The following LCOR variants were observed in gnomAD, a reference collection of about 807,000 sequenced individuals.
The protein encoded by LCOR is ligand dependent nuclear receptor corepressor.
LCOR carries 14 observed loss-of-function variants against 64.4 expected under a neutral mutation model. The ratio of observed to expected loss-of-function variants is 0.22; its 90% CI spans 0.14 to 0.34. LCOR has a LOEUF of 0.34. Among genes scored for constraint, LCOR ranks in the 10% least tolerant of loss-of-function variants. The pLI is 1.00. For synonymous variants in LCOR, 643 were observed against 642.5 expected, an observed-to-expected ratio of 1.00 and a Z score of -0.01; for missense variants, 1,686 against 1,765.3, an observed-to-expected ratio of 0.96 and a Z score of 0.80.
chr10:96,938,128 T>G (rs368384020), intron 4 of LCOR, among the ~76,000 whole-genome samples: 19 of 152,064 alleles, frequency 1.2e-4, no homozygotes, highest in Admixed American at 6.6e-4. Flanking sequence ...TAATAATTTT[T>G]TAACTGATTT....
intron 7 of LCOR, among the ~76,000 whole-genome samples, chr10:96,969,024 T>A (rs1847974460): frequency 6.6e-6 from 1 of 152,234 alleles, no homozygotes; most frequent in South Asian, 2.1e-4. Flanking sequence ...TCAGTTTTCT[T>A]ATCTGTAAAA....
chr10:96,832,731 G>C (rs888476823), intron 1 of LCOR, among the ~76,000 whole-genome samples: 93 of 150,158 alleles, frequency 6.2e-4, no homozygotes, highest in Admixed American at 1.3e-3. Flanking sequence ...TCCCGCTCCA[G>C]GCCCGGCGCC....
At chr10:96,893,731 C>T (rs1846487776) in intron 2 of LCOR, among the ~76,000 whole-genome samples, 1 of 150,996 alleles carries the variant, frequency 6.6e-6, no homozygotes, top group South Asian at 2.1e-4. Flanking sequence ...CCACTACACT[C>T]CAGCCTGGGT....
intron 7 of LCOR, among the ~76,000 whole-genome samples, chr10:96,969,375 A>C (rs1055567053): frequency 6.6e-6 from 1 of 152,240 alleles, no homozygotes; most frequent in South Asian, 2.1e-4. Flanking sequence ...GAATGTAATC[A>C]AACCATTAAT....
chr10:96,880,493 GT>G (rs1846244966), intron 2 of LCOR, among the ~76,000 whole-genome samples: 1 of 152,148 alleles, frequency 6.6e-6, no homozygotes, highest in African/African-American at 2.4e-5. Flanking sequence ...CACCTTCCGG[GT>G]TCAAGCGATT....
intron 2 of LCOR, among the ~76,000 whole-genome samples, chr10:96,897,361 C>T (rs1054250429): frequency 1.3e-5 from 2 of 152,156 alleles, no homozygotes; most frequent in African/African-American, 4.8e-5. Context: ...GGTCTTCAAA[C>T]GGATTGTGGC....
intron 2 of LCOR, among the ~76,000 whole-genome samples, chr10:96,834,142 A>G (rs181693201): frequency 1.3e-5 from 2 of 152,346 alleles, no homozygotes; most frequent in East Asian, 1.9e-4. Flanking sequence ...ACAGGGTTTC[A>G]TTACGAAAAT....
At chr10:96,916,309 G>A (rs1291588917) in intron 4 of LCOR, among the ~76,000 whole-genome samples, 5 of 152,072 alleles carry the variant, frequency 3.3e-5, no homozygotes, top group African/African-American at 1.2e-4. Flanking sequence ...GGGATTACAG[G>A]CGTGAGCCAC....
intron 2 of LCOR, among the ~76,000 whole-genome samples, chr10:96,897,052 T>TGAGAGA (rs142740088): frequency 8.0e-5 from 10 of 124,242 alleles, no homozygotes; most frequent in Admixed American, 2.0e-4. Flanking sequence ...TCCCAAGGAA[T>TGAGAGA]GAGAGAGAGA....
At chr10:96,932,968 A>G (rs115300956) in intron 4 of LCOR, among the ~76,000 whole-genome samples, 8,278 of 152,316 alleles carry the variant, frequency 0.054, 761 homozygotes, top group African/African-American at 0.19. Flanking sequence ...AGAATGTGGA[A>G]CAAATTCATT....
At position 96,954,906 on chromosome 10, in the gene LCOR, CT is replaced by C. The variant is rs774666549; in HGVS notation, c.332+2711del. On this transcript the variant is annotated intron_variant, in intron 7 of 7. Coordinates refer to ENST00000421806, the MANE Select transcript of LCOR (RefSeq NM_001346516.2). ...GAGTGGTCCCCTCACCCATCCCTCC[CT>C]ACCTGTGCAAGTCCTGCTCACATCA... is the stretch of plus-strand genomic sequence containing the variant. 3 of 1,544,548 alleles carry C rather than the reference CT, an allele frequency of 1.9e-6. No individual in the cohort carries two copies. The Admixed American group carries it at 5.2e-5, about 27-fold the overall frequency.
At chr10:96,936,647 C>G (rs1393161668) in intron 4 of LCOR, among the ~76,000 whole-genome samples, 1 of 152,082 alleles carries the variant, frequency 6.6e-6, no homozygotes, top group Admixed American at 6.5e-5. Flanking sequence ...TACAAACTTA[C>G]CAATACTGAT....
In LCOR at chr10:96,984,630, G is replaced by C; in HGVS notation, c.4170G>C (p.Leu1390Phe). The change falls in exon 8 of 8, where the codon TTG (leucine) becomes TTC (phenylalanine). Residue 1390 changes from leucine to phenylalanine, a missense_variant. Coordinates refer to ENST00000421806, the MANE Select transcript of LCOR (RefSeq NM_001346516.2). ...AGGGGAAGCAGGTGTCTGAAATCTTGCCTAAAGCAGAAGTTCAGAGTAAAC... is the reference window on the plus strand; with the variant it reads ...AGGGGAAGCAGGTGTCTGAAATCTTCCCTAAAGCAGAAGTTCAGAGTAAAC... ...GRKGKQVSEI[L>F]PKAEVQSKRK... The C allele has an allele frequency of 6.2e-7, 1 of 1,614,220 alleles. No homozygotes were observed.
intron 7 of LCOR, among the ~76,000 whole-genome samples, chr10:96,970,016 C>T (rs1158457436): frequency 9.1e-5 from 12 of 131,790 alleles, no homozygotes; most frequent in Admixed American, 2.8e-4. Context: ...TGGTCTCGAT[C>T]TCCTGACCTC....
intron 2 of LCOR, among the ~76,000 whole-genome samples, chr10:96,879,859 C>T (rs1006525958): frequency 5.9e-5 from 9 of 152,206 alleles, no homozygotes; most frequent in East Asian, 5.8e-4. Context: ...GGCGGGGTTT[C>T]GCCATATTGG....
intron 4 of LCOR, among the ~76,000 whole-genome samples, chr10:96,936,958 A>G (rs1355279157): frequency 6.6e-6 from 1 of 152,252 alleles, no homozygotes; most frequent in Non-Finnish European, 1.5e-5. Context: ...AGTTATGTGA[A>G]TATTCTCTCT....
At position 96,839,752 on chromosome 10, in the gene LCOR, C is replaced by T. The variant is rs1316276970; in HGVS notation, c.-330+6273C>T. On this transcript the variant is annotated intron_variant, in intron 2 of 7. Transcript: ENST00000421806. ...CCAGGTTGGACTGCAGTGGCGTGATCATGGCTTATTGCAACCTCTGTCTTC... is the reference window on the plus strand; with the variant it reads ...CCAGGTTGGACTGCAGTGGCGTGATTATGGCTTATTGCAACCTCTGTCTTC... 3.3e-5 allele frequency among the ~76,000 whole-genome samples: 5 copies of T among 151,874 alleles called. No homozygotes were observed. In the South Asian group the frequency reaches 1.0e-3, roughly 32 times the overall value.
At position 96,907,738 on chromosome 10, in the gene LCOR, TAAAGTA is replaced by T; in HGVS notation, c.-190_-185del. The T allele has an allele frequency of 1.0e-6, 1 of 975,858 alleles. No homozygotes were observed. Among genetic ancestry groups the T allele is most frequent in the Non-Finnish European group, 1.2e-6 (1 of 820,792 alleles). 60.4% of individuals were successfully genotyped at this position (975,858 alleles called of 1,614,324 possible). A position where few individuals can be genotyped will look rare whatever the true frequency, so the allele number is the denominator to read the frequency against. ...GTTTATTCTGTTGCTTGAGAAGAGA[TAAAGTA>T]AAGGTAACTAAGAAGCCTGTGAAAC... On this transcript the variant is annotated 5_prime_UTR_variant, in exon 4 of 8. Transcript: ENST00000421806.
intron 4 of LCOR, among the ~76,000 whole-genome samples, chr10:96,941,280 CG>C (rs1847466832): frequency 7.3e-6 from 1 of 137,496 alleles, no homozygotes; most frequent in African/African-American, 2.9e-5. Flanking sequence ...GCTGGCCAGG[CG>C]GGGGGCTGAT....
Sources: allele counts gnomAD v4.1 joint callset (sites outside exome capture counted in the v4.1 genomes callset), GRCh38; gene constraint gnomAD v4.1.1; transcripts MANE v1.5; gene names NCBI Gene and HGNC (gene_info 2026-07-23, HGNC 2026-07-21).